The following PTPRM variants were observed in gnomAD, a reference collection of about 807,000 sequenced individuals.
PTPRM encodes the protein protein tyrosine phosphatase receptor type M.
PTPRM carries 47 observed loss-of-function variants against 186.7 expected under a neutral mutation model. That is an observed-to-expected ratio of 0.25 (90% CI 0.20 to 0.32). The LOEUF is 0.32. PTPRM is among the 10% of genes least tolerant of loss of function. The pLI is 1.00. For missense variants in PTPRM, 1,494 were observed against 1,865.0 expected (o/e 0.80, Z 3.66); for synonymous variants, 668 against 674.9 (o/e 0.99, Z 0.16).
In PTPRM at chr18:7,947,596, C is replaced by G. The variant is rs369169573; in HGVS notation, c.664-1585C>G. Among the ~76,000 whole-genome samples, 73 of 152,314 alleles carry G rather than the reference C, an allele frequency of 4.8e-4. 1 individual carries two copies. The South Asian group carries it at 0.015, about 31-fold the overall frequency. On this transcript the variant is annotated intron_variant, in intron 5 of 32. Coordinates refer to ENST00000580170, the MANE Select transcript of PTPRM (RefSeq NM_001105244.2). ...TTGCCCACCTCCCTAGCTCCACTGG[C>G]TGCCTTAACTTCATCCAAAGCCTTC...
intron 2 of PTPRM, among the ~76,000 whole-genome samples, chr18:7,865,974 A>G (rs2146114843): frequency 6.6e-6 from 1 of 152,038 alleles, no homozygotes; most frequent in African/African-American, 2.4e-5. Context: ...ATTTTTGTAG[A>G]GGTGTTTATA....
At chr18:7,914,597 G>A (rs993463735) in intron 4 of PTPRM, among the ~76,000 whole-genome samples, 1 of 149,320 alleles carries the variant, frequency 6.7e-6, no homozygotes, top group East Asian at 2.0e-4. Flanking sequence ...CACATTCTAA[G>A]AATTTAATTA....
At chr18:7,740,499 G>T (rs1232904891) in intron 1 of PTPRM, among the ~76,000 whole-genome samples, 1 of 152,176 alleles carries the variant, frequency 6.6e-6, no homozygotes, top group Non-Finnish European at 1.5e-5. Flanking sequence ...GGTCACTGCA[G>T]CCTGAAACTC....
At chr18:8,130,277 G>A (rs772405082) in intron 13 of PTPRM, among the ~76,000 whole-genome samples, 12 of 152,026 alleles carry the variant, frequency 7.9e-5, no homozygotes, top group Non-Finnish European at 1.2e-4. Context: ...AGGAGAGGTC[G>A]CTCTCCATGG....
intron 4 of PTPRM, among the ~76,000 whole-genome samples, chr18:7,914,311 G>A (rs1348479725): frequency 6.6e-6 from 1 of 151,990 alleles, no homozygotes; most frequent in East Asian, 1.9e-4. Flanking sequence ...TATATGTAGT[G>A]GCTACCTTAG....
chr18:7,976,379 A>G (rs563044556), intron 7 of PTPRM, among the ~76,000 whole-genome samples: 11 of 152,254 alleles, frequency 7.2e-5, no homozygotes, highest in Non-Finnish European at 1.0e-4. Context: ...ATAGTAGTGG[A>G]TATATGCCAT....
intron 4 of PTPRM, among the ~76,000 whole-genome samples, chr18:7,916,226 A>C (rs934046875): frequency 1.3e-5 from 2 of 152,226 alleles, no homozygotes; most frequent in Non-Finnish European, 2.9e-5. Flanking sequence ...ACAAAACTGC[A>C]CTTGGATCCC....
chr18:7,818,623 G>A (rs2044989769), intron 2 of PTPRM, among the ~76,000 whole-genome samples: 1 of 152,194 alleles, frequency 6.6e-6, no homozygotes, highest in African/African-American at 2.4e-5. Flanking sequence ...TAGTAGCTAT[G>A]ATATCTTGGG....
Position 8,114,796 on chromosome 18 carries a change from C to T in PTPRM, c.2136C>T (p.Thr712=), listed in dbSNP as rs759480276. ...FQAASRANGE[T]KIDCVQVATK... is the part of the protein sequence containing the mutation. Reference sequence around the variant, plus strand: ...CCTCTCTTTATTTGACACAGGAAACCAAAATAGACTGTGTCCAAGTGGCCA... The same window carrying T: ...CCTCTCTTTATTTGACACAGGAAACTAAAATAGACTGTGTCCAAGTGGCCA... The change falls in exon 13 of 33, where the codon ACC becomes ACT. Residue 712 remains threonine (T), a synonymous_variant. Coordinates refer to ENST00000580170, the MANE Select transcript of PTPRM (RefSeq NM_001105244.2). 1 of 1,608,050 alleles carries T rather than the reference C, an allele frequency of 6.2e-7. No homozygotes were observed. Among genetic ancestry groups the T allele is most frequent in the South Asian group, 1.1e-5 (1 of 89,800 alleles).
chr18:7,615,136 AT>A (rs1428086737), intron 1 of PTPRM, among the ~76,000 whole-genome samples: 5 of 152,084 alleles, frequency 3.3e-5, no homozygotes, highest in Non-Finnish European at 5.9e-5. Context: ...AACTCTGATA[AT>A]TTTTCAATTT....
At chr18:8,032,974 A>T (rs777394086) in intron 7 of PTPRM, among the ~76,000 whole-genome samples, 3 of 152,176 alleles carry the variant, frequency 2.0e-5, no homozygotes, top group Non-Finnish European at 2.9e-5. Flanking sequence ...TGTAGTTTTG[A>T]GCATTGAAAA....
intron 7 of PTPRM, among the ~76,000 whole-genome samples, chr18:8,061,390 T>C (rs1247179947): frequency 7.0e-6 from 1 of 142,644 alleles, no homozygotes; most frequent in African/African-American, 2.7e-5. Flanking sequence ...AGCACACTGA[T>C]GGGTCTTGAC....
At chr18:7,707,125 G>A (rs910896485) in intron 1 of PTPRM, among the ~76,000 whole-genome samples, 2 of 152,152 alleles carry the variant, frequency 1.3e-5, no homozygotes, top group African/African-American at 2.4e-5. Context: ...ATAAGAGAAT[G>A]TTTAGGAATC....
At chr18:8,307,145 G>A (rs2095230464) in intron 20 of PTPRM, among the ~76,000 whole-genome samples, 7 of 152,296 alleles carry the variant, frequency 4.6e-5, no homozygotes, top group Admixed American at 2.0e-4. Context: ...AGAGCATGGG[G>A]GAGCTGGAAG....
At chr18:8,275,190 G>A (rs1423169396) in intron 19 of PTPRM, among the ~76,000 whole-genome samples, 1 of 152,134 alleles carries the variant, frequency 6.6e-6, no homozygotes, top group Non-Finnish European at 1.5e-5. Flanking sequence ...TGTAATCTTA[G>A]CACTTTGGGA....
At chr18:7,801,502 G>A (rs149945457) in intron 2 of PTPRM, among the ~76,000 whole-genome samples, 363 of 152,084 alleles carry the variant, frequency 2.4e-3, no homozygotes, top group Non-Finnish European at 3.7e-3. Context: ...ACCTCCCGAT[G>A]GACCTACCTG....
chr18:8,153,511 G>A (rs552304044), intron 14 of PTPRM, among the ~76,000 whole-genome samples: 18 of 152,258 alleles, frequency 1.2e-4, no homozygotes, highest in African/African-American at 4.3e-4. Flanking sequence ...TTCACAGCAT[G>A]TGCCACTTTG....
rs2093859289 is a variant in PTPRM, at chr18:8,201,661, A to G, written c.2301-42397A>G. 2.6e-5 allele frequency among the ~76,000 whole-genome samples: 4 copies of G among 152,144 alleles called. No homozygotes were observed. The South Asian group carries it at 8.3e-4, about 31-fold the overall frequency. On this transcript the variant is annotated intron_variant, in intron 14 of 32. Coordinates refer to ENST00000580170, the MANE Select transcript of PTPRM (RefSeq NM_001105244.2). ...GGGCTCTCTCCCTGGTGTGTGGATG[A>G]CCACCTTCTTGCTGTGCCCTCTCGT...
chr18:8,046,193 C>T (rs1157646078), intron 7 of PTPRM, among the ~76,000 whole-genome samples: 1 of 152,114 alleles, frequency 6.6e-6, no homozygotes, highest in Admixed American at 6.6e-5. Context: ...CCTGAGATCT[C>T]CCCAACCGTC....
Sources: allele counts gnomAD v4.1 joint callset (sites outside exome capture counted in the v4.1 genomes callset), GRCh38; gene constraint gnomAD v4.1.1; transcripts MANE v1.5; gene names NCBI Gene and HGNC (gene_info 2026-07-23, HGNC 2026-07-21).